Variants in SGCD observed in about 807,000 individuals in gnomAD.
SGCD encodes the protein delta-sarcoglycan.
Under a neutral mutation model 36.6 loss-of-function variants are expected in SGCD, and 18 were observed. The ratio of observed to expected loss-of-function variants is 0.49; its 90% CI spans 0.34 to 0.73. The LOEUF (loss-of-function observed/expected upper bound fraction) is 0.73. SGCD is among the 30% of genes least tolerant of loss of function. The pLI is 0.01. For synonymous variants in SGCD, 133 were observed against 130.6 expected, an observed-to-expected ratio of 1.02 and a Z score of -0.12; for missense variants, 387 against 346.7, an observed-to-expected ratio of 1.12 and a Z score of -0.92.
At chr5:156,744,447 G>C (rs1340865676) in intron 7 of SGCD, among the ~76,000 whole-genome samples, 3 of 152,172 alleles carry the variant, frequency 2.0e-5, no homozygotes, top group East Asian at 1.9e-4. Context: ...TCCTGGGCTA[G>C]GTACATGCTG....
the SGCD span, among the ~76,000 whole-genome samples, chr5:155,737,424 T>C: frequency 6.6e-6 from 1 of 152,190 alleles, no homozygotes; most frequent in Non-Finnish European, 1.5e-5. Flanking sequence ...GAAATAAAAG[T>C]TTTGAAAAAT....
intron 3 of SGCD, among the ~76,000 whole-genome samples, chr5:156,439,963 A>G (rs1441237324): frequency 1.2e-4 from 19 of 152,176 alleles, no homozygotes; most frequent in Non-Finnish European, 2.6e-4. Flanking sequence ...AAGTCAGTGC[A>G]GTTTTTTTAA....
intron 1 of SGCD, among the ~76,000 whole-genome samples, chr5:155,963,972 C>T (rs1757847209): frequency 6.6e-6 from 1 of 152,016 alleles, no homozygotes; most frequent in African/African-American, 2.4e-5. Context: ...ATTCGTTGTT[C>T]CTAACCTGAT....
chr5:156,495,889 C>A (rs556929146), intron 3 of SGCD, among the ~76,000 whole-genome samples: 2 of 152,290 alleles, frequency 1.3e-5, no homozygotes, highest in East Asian at 3.9e-4. Context: ...CCACCAATGT[C>A]TCTTTTTAAA....
chr5:156,040,878 C>A (rs1759616564), intron 1 of SGCD, among the ~76,000 whole-genome samples: 1 of 152,094 alleles, frequency 6.6e-6, no homozygotes, highest in Admixed American at 6.5e-5. Flanking sequence ...ATGTGTAAGC[C>A]TCTAATTTAG....
chr5:155,930,191 T>C (rs1028859913), intron 1 of SGCD, among the ~76,000 whole-genome samples: 1 of 152,234 alleles, frequency 6.6e-6, no homozygotes, highest in Non-Finnish European at 1.5e-5. Context: ...ATTGTATTTC[T>C]CTAACAGTGT....
intron 3 of SGCD, among the ~76,000 whole-genome samples, chr5:156,428,911 T>C (rs1364986906): frequency 6.6e-6 from 1 of 152,140 alleles, no homozygotes; most frequent in Non-Finnish European, 1.5e-5. Context: ...CTTGATGTGA[T>C]TTTGATTTTC....
At chr5:155,827,993 A>G in the SGCD span, among the ~76,000 whole-genome samples, 3 of 151,920 alleles carry the variant, frequency 2.0e-5, no homozygotes. Context: ...GCCCAGCCTG[A>G]ATAATTCTTA....
chr5:156,062,498 G>A (rs2127584552), intron 1 of SGCD, among the ~76,000 whole-genome samples: 1 of 120,352 alleles, frequency 8.3e-6, no homozygotes, highest in Admixed American at 8.0e-5. Flanking sequence ...GATCCCTCAG[G>A]AATTGCCACA....
intron 1 of SGCD, among the ~76,000 whole-genome samples, chr5:156,088,532 C>A (rs1761159134): frequency 6.6e-6 from 1 of 152,022 alleles, no homozygotes; most frequent in Admixed American, 6.6e-5. Flanking sequence ...CAAGGTCTTG[C>A]ATTGTCACCC....
the SGCD span, among the ~76,000 whole-genome samples, chr5:155,748,114 C>CT: frequency 5.9e-5 from 9 of 151,432 alleles, no homozygotes; most frequent in Admixed American, 4.6e-4. Context: ...TTTCTTGTTT[C>CT]TTTTTTTTCT....
intron 1 of SGCD, among the ~76,000 whole-genome samples, chr5:155,927,225 A>G (rs980206272): frequency 1.4e-4 from 22 of 152,238 alleles, no homozygotes; most frequent in African/African-American, 5.3e-4. Flanking sequence ...TAGAATAATG[A>G]CTGGAGAATA....
chr5:156,117,125 A>G (rs1041105830), intron 1 of SGCD, among the ~76,000 whole-genome samples: 1 of 152,112 alleles, frequency 6.6e-6, no homozygotes, highest in African/African-American at 2.4e-5. Context: ...TAATATGCCT[A>G]TACAATGGCT....
chr5:156,254,370 C>T (rs1382002193), intron 3 of SGCD, among the ~76,000 whole-genome samples: 1 of 152,188 alleles, frequency 6.6e-6, no homozygotes, highest in African/African-American at 2.4e-5. Flanking sequence ...GCTATCCCTC[C>T]CCGCTCCCCT....
the SGCD span, among the ~76,000 whole-genome samples, chr5:155,742,031 A>G: frequency 6.6e-6 from 1 of 152,254 alleles, no homozygotes; most frequent in East Asian, 1.9e-4. Flanking sequence ...CTTGGCTGAG[A>G]AGAGGGCTCC....
chr5:156,636,874 A>G (rs1279968390), intron 6 of SGCD, among the ~76,000 whole-genome samples: 1 of 152,152 alleles, frequency 6.6e-6, no homozygotes, highest in African/African-American at 2.4e-5. Flanking sequence ...TCTTTCCTTC[A>G]TCTTGGATAG....
chr5:155,764,297 A>G, the SGCD span, among the ~76,000 whole-genome samples: 3 of 152,214 alleles, frequency 2.0e-5, no homozygotes, highest in African/African-American at 7.2e-5. Context: ...CTTAAATGCT[A>G]CATAAACAAC....
intron 3 of SGCD, among the ~76,000 whole-genome samples, chr5:156,154,656 AC>A (rs1462628079): frequency 6.6e-6 from 1 of 151,568 alleles, no homozygotes; most frequent in Non-Finnish European, 1.5e-5. Context: ...ACCATGGGAG[AC>A]AAAAATTATT....
At chr5:156,080,573 A>G (rs1465636823) in intron 1 of SGCD, among the ~76,000 whole-genome samples, 1 of 152,190 alleles carries the variant, frequency 6.6e-6, no homozygotes, top group Non-Finnish European at 1.5e-5. Flanking sequence ...CAGCCAGGCC[A>G]TTTCTTGAAT....
Sources: gnomAD v4.1 joint callset for allele counts (sites outside exome capture counted in the v4.1 genomes callset) on GRCh38, gnomAD v4.1.1 for gene constraint, MANE v1.5 for transcripts, NCBI Gene and HGNC (gene_info 2026-07-23, HGNC 2026-07-21) for gene names.